Variants in CAV1 observed in about 807,000 individuals in gnomAD.
The protein encoded by CAV1 is caveolin-1.
In CAV1, 10 loss-of-function variants were observed where a neutral mutation model predicts 16.5. The observed-to-expected ratio is 0.61, with a 90% CI of 0.37 to 1.03. The LOEUF is 1.03. Ranked by LOEUF, CAV1 falls within the 50% of genes least tolerant of loss-of-function variation. The probability of loss-of-function intolerance (pLI) is 0.01; values close to 1 mark genes in which losing one functional copy is unlikely to be tolerated. For missense variants in CAV1, 212 were observed against 232.8 expected (o/e 0.91, Z 0.58); for synonymous variants, 76 against 85.1 (o/e 0.89, Z 0.59).
chr7:116,534,374 TA>T lies in CAV1; in HGVS notation c.195+7686del, dbSNP rs1562829855. ...TGGGCCCACCTCAGATATATATATA[TA>T]TATATATATATATATATATATTTTT... On this transcript the variant is annotated intron_variant, in intron 2 of 2. Coordinates refer to ENST00000341049, the MANE Select transcript of CAV1 (RefSeq NM_001753.5). Among the ~76,000 whole-genome samples, 4 of 14,890 alleles carry T rather than the reference TA, an allele frequency of 2.7e-4. 1 individual carries two copies. Among genetic ancestry groups the T allele is most frequent in the East Asian group, 8.9e-3 (1 of 112 alleles). 9.8% of individuals were successfully genotyped at this position (14,890 alleles called of 152,430 possible).
intron 2 of CAV1, among the ~76,000 whole-genome samples, chr7:116,541,529 T>G (rs1024630781): frequency 2.0e-5 from 3 of 152,114 alleles, no homozygotes; most frequent in Non-Finnish European, 4.4e-5. Flanking sequence ...GGTGGATAGA[T>G]GACTTGAGCC....
At chr7:116,551,468 A>T (rs1013057528) in intron 2 of CAV1, among the ~76,000 whole-genome samples, 2 of 152,156 alleles carry the variant, frequency 1.3e-5, no homozygotes, top group African/African-American at 4.8e-5. Context: ...TTTCCTTCTC[A>T]TCTATTTCTG....
At chr7:116,531,797 G>A (rs1169036031) in intron 2 of CAV1, among the ~76,000 whole-genome samples, 1 of 152,156 alleles carries the variant, frequency 6.6e-6, no homozygotes, top group Non-Finnish European at 1.5e-5. Flanking sequence ...TTGTTTAGGA[G>A]ATAGCTTCAC....
chr7:116,544,041 C>A (rs114626668), intron 2 of CAV1, among the ~76,000 whole-genome samples: 1 of 152,140 alleles, frequency 6.6e-6, no homozygotes, highest in African/African-American at 2.4e-5. Context: ...TGAAGGTAAA[C>A]ATGAAGGCGT....
intron 1 of CAV1, chr7:116,526,324 G>C: frequency 6.9e-7 from 1 of 1,444,730 alleles, no homozygotes; most frequent in Non-Finnish European, 9.1e-7. Flanking sequence ...TCCTCTGCGA[G>C]ATCCTCTTAA....
chr7:116,543,935 G>C (rs1793988486), intron 2 of CAV1, among the ~76,000 whole-genome samples: 1 of 152,120 alleles, frequency 6.6e-6, no homozygotes, highest in African/African-American at 2.4e-5. Flanking sequence ...TTACCTAGCT[G>C]TAAAGAGTTT....
At chr7:116,534,391 A>ATTTTTTTTTTTTTTT (rs1562830042) in intron 2 of CAV1, among the ~76,000 whole-genome samples, 1 of 8,226 alleles carries the variant, frequency 1.2e-4, no homozygotes, top group African/African-American at 3.5e-4. Context: ...ATATATATAT[A>ATTTTTTTTTTTTTTT]TATATTTTTT....
chr7:116,543,620 G>GTTTTTTTGTT (rs1562833520), intron 2 of CAV1, among the ~76,000 whole-genome samples: 2 of 151,946 alleles, frequency 1.3e-5, no homozygotes, highest in Non-Finnish European at 2.9e-5. Flanking sequence ...GTTTTGTTTT[G>GTTTTTTTGTT]TTTTTTTGTT....
At chr7:116,546,416 G>A (rs181904337) in intron 2 of CAV1, among the ~76,000 whole-genome samples, 81 of 152,224 alleles carry the variant, frequency 5.3e-4, no homozygotes, top group Middle Eastern at 3.4e-3. Flanking sequence ...CAGGCCAGGC[G>A]TGGTGGCTCA....
At chr7:116,525,673 T>C (rs1584765791) in intron 1 of CAV1, 1 of 1,089,658 alleles carries the variant, frequency 9.2e-7, no homozygotes. Flanking sequence ...ACTGCCACCA[T>C]CACTTCCAAC....
chr7:116,555,616 AAGAAG>A (rs1794278234), intron 2 of CAV1, among the ~76,000 whole-genome samples: 2 of 135,274 alleles, frequency 1.5e-5, no homozygotes, highest in Non-Finnish European at 3.3e-5. Flanking sequence ...GAAAGAAAGA[AAGAAG>A]GGAGGGAGGG....
intron 2 of CAV1, among the ~76,000 whole-genome samples, chr7:116,546,001 C>T (rs1437086278): frequency 6.6e-6 from 1 of 152,206 alleles, no homozygotes; most frequent in Non-Finnish European, 1.5e-5. Flanking sequence ...GAACTTTCAA[C>T]ACTTGGAGGG....
chr7:116,548,877 A>G (rs1794104512), intron 2 of CAV1, among the ~76,000 whole-genome samples: 1 of 152,164 alleles, frequency 6.6e-6, no homozygotes, highest in Admixed American at 6.5e-5. Context: ...AACATGAGTT[A>G]TTGCTATTCC....
At chr7:116,551,338 G>A (rs760286398) in intron 2 of CAV1, among the ~76,000 whole-genome samples, 4 of 152,030 alleles carry the variant, frequency 2.6e-5, no homozygotes, top group African/African-American at 9.7e-5. Context: ...TGCATACCTG[G>A]GTATAAATCC....
At chr7:116,543,395 G>A (rs1793977495) in intron 2 of CAV1, among the ~76,000 whole-genome samples, 1 of 152,124 alleles carries the variant, frequency 6.6e-6, no homozygotes, top group Admixed American at 6.5e-5. Context: ...TTGAAATACT[G>A]AGCTATCAAC....
At chr7:116,546,612 G>C (rs770084272) in intron 2 of CAV1, among the ~76,000 whole-genome samples, 1 of 150,504 alleles carries the variant, frequency 6.6e-6, no homozygotes, top group Non-Finnish European at 1.5e-5. Context: ...CAGGAGAATC[G>C]CTTGAACCTG....
intron 2 of CAV1, among the ~76,000 whole-genome samples, chr7:116,527,664 T>C (rs1793595466): frequency 6.6e-6 from 1 of 152,130 alleles, no homozygotes; most frequent in Non-Finnish European, 1.5e-5. Flanking sequence ...CTCTGAGAAA[T>C]GGAGGGCTAA....
chr7:116,526,361 T>G, intron 1 of CAV1, 164 bp from the exon 2 acceptor site: 1 of 1,499,402 alleles, frequency 6.7e-7, no homozygotes. Context: ...AGGCGGTTTC[T>G]GTGCACGGAG....
intron 2 of CAV1, among the ~76,000 whole-genome samples, chr7:116,544,126 G>T (rs760159420): frequency 6.6e-6 from 1 of 152,114 alleles, no homozygotes; most frequent in Non-Finnish European, 1.5e-5. Context: ...AAATCTGTAG[G>T]TTTTAACTCA....
Sources: allele counts gnomAD v4.1 joint callset (sites outside exome capture counted in the v4.1 genomes callset), GRCh38; gene constraint gnomAD v4.1.1; transcripts MANE v1.5; gene names NCBI Gene and HGNC (gene_info 2026-07-23, HGNC 2026-07-21).